The following HPSE2 variants were observed in gnomAD, a reference collection of about 807,000 sequenced individuals.
The protein encoded by HPSE2 is heparanase 2 (inactive).
In HPSE2, 38 loss-of-function variants were observed where a neutral mutation model predicts 60.5. The observed-to-expected ratio is 0.63, with a 90% CI of 0.48 to 0.82. HPSE2 has a LOEUF of 0.82. Ranked by LOEUF, HPSE2 falls within the 40% of genes least tolerant of loss-of-function variation. The pLI is 0.00. For missense variants in HPSE2, 713 were observed against 740.4 expected (o/e 0.96, Z 0.43); for synonymous variants, 295 against 293.2 (o/e 1.01, Z -0.06).
intron 3 of HPSE2, among the ~76,000 whole-genome samples, chr10:98,918,240 G>T (rs547536120): frequency 6.6e-6 from 1 of 152,140 alleles, no homozygotes; most frequent in South Asian, 2.1e-4. Context: ...ACAAACATTT[G>T]TTCATTCAAC....
intron 6 of HPSE2, among the ~76,000 whole-genome samples, chr10:98,671,823 G>A (rs964714951): frequency 6.6e-6 from 1 of 152,144 alleles, no homozygotes. Context: ...ATGACAAAGG[G>A]AATGAAAGGC....
intron 3 of HPSE2, among the ~76,000 whole-genome samples, chr10:98,918,281 G>A (rs934494804): frequency 6.6e-6 from 1 of 152,032 alleles, no homozygotes; most frequent in African/African-American, 2.4e-5. Flanking sequence ...CGATTCCTCA[G>A]GGATCTAGAA....
intron 3 of HPSE2, among the ~76,000 whole-genome samples, chr10:99,123,056 T>C (rs1006013607): frequency 1.3e-5 from 2 of 152,166 alleles, no homozygotes; most frequent in East Asian, 3.8e-4. Flanking sequence ...TAGACAAAGC[T>C]GGCTAGTCAT....
intron 4 of HPSE2, among the ~76,000 whole-genome samples, chr10:98,729,935 C>T (rs745462321): frequency 3.9e-5 from 6 of 151,966 alleles, no homozygotes; most frequent in East Asian, 3.9e-4. Context: ...ATAGATGAAA[C>T]GACTGGATAA....
chr10:99,270,398 A>G, the HPSE2 span, among the ~76,000 whole-genome samples: 1 of 152,220 alleles, frequency 6.6e-6, no homozygotes, highest in Non-Finnish European at 1.5e-5. Context: ...GAGGAGATGG[A>G]TAAATTCCTG....
intron 6 of HPSE2, among the ~76,000 whole-genome samples, chr10:98,687,490 CTTACT>C (rs2134153011): frequency 6.6e-6 from 1 of 152,224 alleles, no homozygotes; most frequent in African/African-American, 2.4e-5. Context: ...GAATAAGCTC[CTTACT>C]TTAAAGTCAG....
chr10:98,983,542 T>C (rs1345845481), intron 3 of HPSE2, among the ~76,000 whole-genome samples: 1 of 152,254 alleles, frequency 6.6e-6, no homozygotes, highest in African/African-American at 2.4e-5. Context: ...TCATTTGCGA[T>C]CTCAAGCAGT....
chr10:98,505,446 T>C (rs1014025311), intron 9 of HPSE2, among the ~76,000 whole-genome samples: 1 of 152,196 alleles, frequency 6.6e-6, no homozygotes, highest in Admixed American at 6.5e-5. Flanking sequence ...CTTTACAGGA[T>C]AATGCCCAGT....
At chr10:99,076,025 C>T (rs1454525068) in intron 3 of HPSE2, among the ~76,000 whole-genome samples, 4 of 152,066 alleles carry the variant, frequency 2.6e-5, no homozygotes, top group African/African-American at 9.7e-5. Flanking sequence ...TGTAATGTAA[C>T]CACTGATAGG....
intron 3 of HPSE2, among the ~76,000 whole-genome samples, chr10:98,813,393 T>G (rs1275417709): frequency 2.0e-5 from 3 of 152,154 alleles, no homozygotes; most frequent in Non-Finnish European, 4.4e-5. Context: ...ATCTCAGTCA[T>G]TAACTTGAAC....
intron 3 of HPSE2, among the ~76,000 whole-genome samples, chr10:98,767,505 T>C (rs866977132): frequency 2.0e-4 from 29 of 148,382 alleles, no homozygotes; most frequent in Middle Eastern, 8.6e-3. Flanking sequence ...ATGTATATGT[T>C]ATGCATATTG....
chr10:98,606,123 C>T (rs60452871), intron 9 of HPSE2, among the ~76,000 whole-genome samples: 8,363 of 152,198 alleles, frequency 0.055, 449 homozygotes, highest in African/African-American at 0.14. Flanking sequence ...TGTCTTTCCC[C>T]TTCACCTCCA....
At chr10:98,986,834 A>G (rs1242375705) in intron 3 of HPSE2, among the ~76,000 whole-genome samples, 2 of 152,164 alleles carry the variant, frequency 1.3e-5, no homozygotes, top group Non-Finnish European at 2.9e-5. Flanking sequence ...CCACAGAAAT[A>G]CAAACTACCA....
intron 3 of HPSE2, among the ~76,000 whole-genome samples, chr10:99,038,868 C>T (rs184538016): frequency 4.7e-4 from 72 of 152,192 alleles, no homozygotes; most frequent in African/African-American, 1.7e-3. Context: ...CCAATTGCCT[C>T]CCTCATTCAA....
chr10:99,211,238 T>C (rs1848944675), intron 2 of HPSE2, among the ~76,000 whole-genome samples: 1 of 151,690 alleles, frequency 6.6e-6, no homozygotes, highest in South Asian at 2.1e-4. Context: ...ATAAGAGCTA[T>C]CCCATGTTCA....
chr10:98,855,247 C>T (rs1952283063), intron 3 of HPSE2, among the ~76,000 whole-genome samples: 1 of 152,152 alleles, frequency 6.6e-6, no homozygotes. Context: ...GGGAGTCTCA[C>T]ACACAAAAGA....
intron 4 of HPSE2, among the ~76,000 whole-genome samples, chr10:98,728,001 CAG>C (rs1467095015): frequency 2.0e-5 from 3 of 151,920 alleles, no homozygotes; most frequent in African/African-American, 7.2e-5. Context: ...CTGAGAAAAA[CAG>C]AGAGAAGAGA....
At position 98,614,897 on chromosome 10, in the gene HPSE2, C is replaced by T. The variant is rs746725444; in HGVS notation, c.1320+7G>A. On this transcript the variant is annotated splice_region_variant and intron_variant, in intron 9 of 11. Coordinates refer to ENST00000370552, the MANE Select transcript of HPSE2 (RefSeq NM_021828.5). Reference sequence around the variant, plus strand: ...AAAGGGATTGGGAATCTTTATCCCACACTTACTGGTAATGGGTTAAAATTC... The same window carrying T: ...AAAGGGATTGGGAATCTTTATCCCATACTTACTGGTAATGGGTTAAAATTC... The T allele has an allele frequency of 6.4e-7, 1 of 1,565,424 alleles. No homozygotes were observed. Among genetic ancestry groups the T allele is most frequent in the Admixed American group, 1.7e-5 (1 of 59,962 alleles).
At chr10:99,257,541 C>T in the HPSE2 span, among the ~76,000 whole-genome samples, 11 of 152,240 alleles carry the variant, frequency 7.2e-5, no homozygotes, top group South Asian at 2.1e-4. Flanking sequence ...AGGAAATCCC[C>T]GCCTAATAAA....
Sources: gnomAD v4.1 joint callset for allele counts (sites outside exome capture counted in the v4.1 genomes callset) on GRCh38, gnomAD v4.1.1 for gene constraint, MANE v1.5 for transcripts, NCBI Gene and HGNC (gene_info 2026-07-23, HGNC 2026-07-21) for gene names.